The following TTC39C variants were observed in gnomAD, a reference collection of about 807,000 sequenced individuals.
TTC39C encodes the protein tetratricopeptide repeat protein 39C.
In TTC39C, 33 loss-of-function variants were observed where a neutral mutation model predicts 76.3. The observed-to-expected ratio is 0.43, with a 90% CI of 0.33 to 0.58. The LOEUF is 0.58. TTC39C is among the 20% of genes least tolerant of loss of function. TTC39C has a pLI of 0.04. For synonymous variants in TTC39C, 254 were observed against 260.6 expected (o/e 0.97, Z 0.24); for missense variants, 595 against 701.4 (o/e 0.85, Z 1.71).
chr18:23,997,698 G>GAAAGAAAGAAAGAA (rs2083278700), intron 1 of TTC39C, among the ~76,000 whole-genome samples: 1 of 150,204 alleles, frequency 6.7e-6, no homozygotes, highest in African/African-American at 2.4e-5. Context: ...AAGAAAGAAA[G>GAAAGAAAGAAAGAA]AAAGAAAGAA....
intron 6 of TTC39C, among the ~76,000 whole-genome samples, chr18:24,092,514 T>G (rs1201832644): frequency 1.3e-5 from 2 of 152,158 alleles, no homozygotes; most frequent in Non-Finnish European, 2.9e-5. Context: ...ATAAACAACA[T>G]GTGATACATT....
intron 1 of TTC39C, among the ~76,000 whole-genome samples, chr18:24,035,403 C>G (rs779030962): frequency 6.6e-6 from 1 of 152,168 alleles, no homozygotes; most frequent in Non-Finnish European, 1.5e-5. Context: ...TTTACATTCC[C>G]ATCAGTGGTA....
chr18:24,043,772 A>C (rs2083826755), intron 1 of TTC39C, among the ~76,000 whole-genome samples: 1 of 152,274 alleles, frequency 6.6e-6, no homozygotes, highest in Non-Finnish European at 1.5e-5. Context: ...GCACATGGGA[A>C]GACGAAGGTT....
intron 1 of TTC39C, among the ~76,000 whole-genome samples, chr18:24,021,034 G>A (rs2083511665): frequency 6.6e-6 from 1 of 152,162 alleles, no homozygotes; most frequent in Admixed American, 6.5e-5. Context: ...TTTAGTTCCT[G>A]AAATATCATT....
intron 1 of TTC39C, among the ~76,000 whole-genome samples, chr18:24,030,648 C>CTTTTTTTTTTTTT (rs1167104790): frequency 7.9e-5 from 7 of 89,044 alleles, no homozygotes; most frequent in African/African-American, 1.6e-4. Context: ...AAAGATAGGC[C>CTTTTTTTTTTTTT]TTTTTTTTTT....
At chr18:24,047,698 C>T (rs929886801) in intron 1 of TTC39C, among the ~76,000 whole-genome samples, 1 of 152,178 alleles carries the variant, frequency 6.6e-6, no homozygotes, top group Non-Finnish European at 1.5e-5. Flanking sequence ...ACCAACCAAA[C>T]TGACCTTTAC....
chr18:24,028,563 G>C (rs931622791), intron 1 of TTC39C, among the ~76,000 whole-genome samples: 2 of 152,174 alleles, frequency 1.3e-5, no homozygotes, highest in African/African-American at 4.8e-5. Context: ...GAAGAAAAAT[G>C]TAGATGCCTT....
intron 1 of TTC39C, among the ~76,000 whole-genome samples, chr18:24,030,793 C>T (rs536545922): frequency 4.6e-5 from 7 of 151,514 alleles, no homozygotes; most frequent in African/African-American, 1.7e-4. Context: ...TAGCTGGGAT[C>T]ATAGGCACCC....
At chr18:24,099,968 A>G (rs920281011) in intron 6 of TTC39C, among the ~76,000 whole-genome samples, 1 of 152,100 alleles carries the variant, frequency 6.6e-6, no homozygotes. Context: ...TAATTTTATG[A>G]TTAAGCTTTT....
intron 1 of TTC39C, chr18:24,016,708 G>T (rs2083458346): frequency 2.5e-6 from 1 of 398,506 alleles, no homozygotes; most frequent in South Asian, 1.3e-4. Flanking sequence ...AGCAACAGCA[G>T]AGAGATGCCC....
Position 24,125,560 on chromosome 18 carries a change from T to G in TTC39C, c.1420+10T>G. 6.2e-7 allele frequency: 1 copy of G among 1,613,890 alleles called. No individual in the cohort carries two copies. The highest frequency in any genetic ancestry group is 8.5e-7 in the Non-Finnish European group (1 of 1,179,950). On this transcript the variant is annotated intron_variant, in intron 10 of 13. Coordinates refer to ENST00000317571, the MANE Select transcript of TTC39C (RefSeq NM_001135993.2). Reference sequence around the variant, plus strand: ...CAGAGGATGAGTCAAGGTAAAAAATTTAAAAAAACCCAAAACTGTCTACTG... The same window carrying G: ...CAGAGGATGAGTCAAGGTAAAAAATGTAAAAAAACCCAAAACTGTCTACTG...
At chr18:24,045,927 A>ATATT (rs1568417525) in intron 1 of TTC39C, among the ~76,000 whole-genome samples, 9 of 25,672 alleles carry the variant, frequency 3.5e-4, no homozygotes, top group South Asian at 2.3e-3. Context: ...ATATATATAT[A>ATATT]TTTTTTTTTT....
intron 1 of TTC39C, among the ~76,000 whole-genome samples, chr18:24,019,219 C>G (rs2083491404): frequency 1.3e-5 from 2 of 152,182 alleles, no homozygotes; most frequent in African/African-American, 4.8e-5. Flanking sequence ...TCCCTCCTCC[C>G]CTCTTGAGGT....
intron 1 of TTC39C, chr18:24,019,851 C>A (rs766204257): frequency 5.9e-6 from 9 of 1,525,460 alleles, no homozygotes; most frequent in Middle Eastern, 1.7e-4. Flanking sequence ...ACTCTCTGGC[C>A]TTTTACAGAA....
intron 1 of TTC39C, among the ~76,000 whole-genome samples, chr18:24,042,406 G>A (rs776564983): frequency 9.2e-5 from 14 of 152,108 alleles, no homozygotes; most frequent in African/African-American, 1.7e-4. Context: ...GACCCCCCAC[G>A]TGCACAGTTC....
chr18:24,015,028 A>C lies in TTC39C; in HGVS notation c.157A>C (p.Lys53Gln). ...NGFRESDQLF[K>Q]QYRNHSPLMS... ...CTTCAGGGAGTCGGACCAGCTTTTC[A>C]AACAATACAGGTGACCCACGCGTCC... The change falls in exon 1 of 14, where the codon AAA becomes CAA. Residue 53 changes from lysine (K) to glutamine (Q), a missense_variant. Physicochemically the swap from Lys to Gln is moderately conservative, Grantham distance 53. Transcript: ENST00000317571. 6.8e-7 allele frequency: 1 copy of C among 1,479,570 alleles called. No individual in the cohort carries two copies. Among genetic ancestry groups the C allele is most frequent in the Non-Finnish European group, 9.0e-7 (1 of 1,112,338 alleles). The allele number at this position is 1,479,570 out of a possible 1,614,324, so 91.7% of individuals were successfully genotyped here.
Position 24,125,531 on chromosome 18 carries a change from C to G in TTC39C, c.1401C>G (p.Asn467Lys), listed in dbSNP as rs768799063. The G allele has an allele frequency of 2.5e-6, 4 of 1,614,028 alleles. No individual in the cohort carries two copies. Among genetic ancestry groups the G allele is most frequent in the Non-Finnish European group, 3.4e-6 (4 of 1,180,040 alleles). Residue 467 changes from asparagine (N) to lysine (K), a missense_variant, in exon 10 of 14, where the codon AAC (asparagine) becomes AAG (lysine). Coordinates refer to ENST00000317571, the MANE Select transcript of TTC39C (RefSeq NM_001135993.2). Reference protein sequence around the residue: ...WKALPNCSFPNLQRMSQACHE... With the variant: ...WKALPNCSFPKLQRMSQACHE... ...CTCTTCCAAACTGTTCCTTCCCCAA[C>G]CTGCAGAGGATGAGTCAAGGTAAAA... is the stretch of plus-strand genomic sequence containing the variant.
At chr18:24,077,066 G>A (rs1311462911) in intron 4 of TTC39C, 1 of 152,166 alleles carries the variant, frequency 6.6e-6, no homozygotes, top group Non-Finnish European at 1.5e-5. Flanking sequence ...GTTGAGAGAT[G>A]CCGTTTCTCC....
At chr18:23,994,172 T>A (rs529141846) in intron 1 of TTC39C, 68 of 152,344 alleles carry the variant, frequency 4.5e-4, no homozygotes, top group African/African-American at 1.6e-3. Flanking sequence ...ATTCCTTAGA[T>A]GTTTTGGCTG....
Sources: gnomAD v4.1 joint callset for allele counts (sites outside exome capture counted in the v4.1 genomes callset) on GRCh38, gnomAD v4.1.1 for gene constraint, MANE v1.5 for transcripts, NCBI Gene and HGNC (gene_info 2026-07-23, HGNC 2026-07-21) for gene names.